The following ARHGAP15 variants were observed in gnomAD, a reference collection of about 807,000 sequenced individuals.
ARHGAP15 encodes the protein Rho GTPase activating protein 15.
In ARHGAP15, 51 loss-of-function variants were observed where a neutral mutation model predicts 63.7. The ratio of observed to expected loss-of-function variants is 0.80; its 90% confidence interval spans 0.64 to 1.01. ARHGAP15 has a LOEUF of 1.01. ARHGAP15 is among the 50% of genes least tolerant of loss of function. The pLI, the probability that ARHGAP15 is intolerant of heterozygous loss-of-function variation, is 0.00. For missense variants in ARHGAP15, 560 were observed against 564.6 expected, an observed-to-expected ratio of 0.99 and a Z score of 0.08; for synonymous variants, 191 against 193.8, an observed-to-expected ratio of 0.99 and a Z score of 0.12.
chr2:143,163,881 C>G (rs1458713374), intron 2 of ARHGAP15, among the ~76,000 whole-genome samples: 1 of 152,042 alleles, frequency 6.6e-6, no homozygotes, highest in African/African-American at 2.4e-5. Flanking sequence ...GGAACAGATG[C>G]ATTCCTTGAG....
chr2:143,295,105 A>G (rs554650593), intron 6 of ARHGAP15, among the ~76,000 whole-genome samples: 12 of 152,188 alleles, frequency 7.9e-5, no homozygotes, highest in Middle Eastern at 3.4e-3. Flanking sequence ...GCCATATGGT[A>G]AGCATCCAAT....
chr2:143,668,794 C>G (rs558870477), intron 12 of ARHGAP15, among the ~76,000 whole-genome samples: 1 of 152,268 alleles, frequency 6.6e-6, no homozygotes, highest in South Asian at 2.1e-4. Flanking sequence ...TAGACAATTC[C>G]AATGAAACTC....
intron 8 of ARHGAP15, among the ~76,000 whole-genome samples, chr2:143,483,309 T>C (rs1692160439): frequency 6.6e-6 from 1 of 152,184 alleles, no homozygotes; most frequent in African/African-American, 2.4e-5. Context: ...CTAGCATTTA[T>C]ACGTCATGTG....
intron 8 of ARHGAP15, among the ~76,000 whole-genome samples, chr2:143,466,495 T>A (rs998228643): frequency 2.0e-5 from 3 of 152,052 alleles, no homozygotes; most frequent in African/African-American, 2.4e-5. Flanking sequence ...GGAGTATTAG[T>A]GGAAAAGAGT....
At chr2:143,502,195 G>T (rs544638408) in intron 9 of ARHGAP15, among the ~76,000 whole-genome samples, 11 of 152,160 alleles carry the variant, frequency 7.2e-5, no homozygotes, top group African/African-American at 2.6e-4. Context: ...GATCATCTGA[G>T]GTCAGGAGTT....
At chr2:143,511,959 A>G (rs1258493949) in intron 9 of ARHGAP15, among the ~76,000 whole-genome samples, 2 of 152,186 alleles carry the variant, frequency 1.3e-5, no homozygotes, top group African/African-American at 4.8e-5. Flanking sequence ...TATTTAATTC[A>G]TTGTCTGTCA....
intron 11 of ARHGAP15, among the ~76,000 whole-genome samples, chr2:143,588,939 C>G (rs1697214743): frequency 1.3e-5 from 2 of 152,108 alleles, no homozygotes; most frequent in African/African-American, 4.8e-5. Flanking sequence ...AACCTACTTC[C>G]TGATTCAAGA....
chr2:143,246,589 A>AGTT (rs1159387093), intron 5 of ARHGAP15, among the ~76,000 whole-genome samples: 1 of 152,006 alleles, frequency 6.6e-6, no homozygotes, highest in Non-Finnish European at 1.5e-5. Context: ...AGTAGTCAAA[A>AGTT]GTTATTTCTC....
At chr2:143,435,259 C>T (rs56088912) in intron 6 of ARHGAP15, 81,460 of 998,346 alleles carry the variant, frequency 0.082, 3,918 homozygotes, top group African/African-American at 0.21. Context: ...CTGACACACC[C>T]GGGTGCATTT....
chr2:143,229,499 A>G (rs1320026741), intron 5 of ARHGAP15, among the ~76,000 whole-genome samples: 2 of 152,208 alleles, frequency 1.3e-5, no homozygotes, highest in African/African-American at 2.4e-5. Flanking sequence ...TTCAAGCTCA[A>G]AACCTTGCTG....
intron 12 of ARHGAP15, among the ~76,000 whole-genome samples, chr2:143,686,193 G>A (rs2105381774): frequency 6.6e-6 from 1 of 151,968 alleles, no homozygotes; most frequent in African/African-American, 2.4e-5. Context: ...CAGATCACGA[G>A]GTCAGGAGTT....
At chr2:143,542,167 C>T (rs1410493260) in intron 10 of ARHGAP15, among the ~76,000 whole-genome samples, 1 of 152,174 alleles carries the variant, frequency 6.6e-6, no homozygotes, top group Non-Finnish European at 1.5e-5. Context: ...GGCGTAGGAC[C>T]CTCCGAGCTA....
chr2:143,480,080 C>T (rs764449400), intron 8 of ARHGAP15, among the ~76,000 whole-genome samples: 12 of 151,992 alleles, frequency 7.9e-5, no homozygotes, highest in Non-Finnish European at 1.8e-4. Flanking sequence ...AACAAAACAC[C>T]CTGCCTTACA....
At chr2:143,135,140 G>A (rs997637890) in intron 1 of ARHGAP15, among the ~76,000 whole-genome samples, 5 of 152,302 alleles carry the variant, frequency 3.3e-5, no homozygotes, top group East Asian at 1.9e-4. Flanking sequence ...TTTAATGAGC[G>A]TGAATGCAGA....
intron 10 of ARHGAP15, among the ~76,000 whole-genome samples, chr2:143,531,744 A>C (rs1379657403): frequency 6.6e-6 from 1 of 152,202 alleles, no homozygotes; most frequent in Non-Finnish European, 1.5e-5. Context: ...TTTATTAAGC[A>C]CTCATAATGT....
chr2:143,159,879 A>G (rs1690223266), intron 2 of ARHGAP15, among the ~76,000 whole-genome samples: 1 of 151,844 alleles, frequency 6.6e-6, no homozygotes, highest in Non-Finnish European at 1.5e-5. Context: ...CTGAAAATGG[A>G]TTAGTTTCCT....
intron 13 of ARHGAP15, among the ~76,000 whole-genome samples, chr2:143,712,708 C>T (rs1031450513): frequency 6.6e-6 from 1 of 151,672 alleles, no homozygotes; most frequent in Non-Finnish European, 1.5e-5. Context: ...CTACTCATTA[C>T]ACAAGGAACA....
At chr2:143,159,344 T>C (rs1051686623) in intron 2 of ARHGAP15, among the ~76,000 whole-genome samples, 1 of 151,960 alleles carries the variant, frequency 6.6e-6, no homozygotes, top group African/African-American at 2.4e-5. Flanking sequence ...AAGGCAGACA[T>C]AAAAATTGCT....
intron 6 of ARHGAP15, among the ~76,000 whole-genome samples, chr2:143,404,178 T>C (rs941199590): frequency 3.3e-5 from 5 of 151,848 alleles, no homozygotes; most frequent in Non-Finnish European, 7.4e-5. Context: ...ATACTGATGA[T>C]TCTGAACCTT....
Sources: allele counts gnomAD v4.1 joint callset (sites outside exome capture counted in the v4.1 genomes callset), GRCh38; gene constraint gnomAD v4.1.1; transcripts MANE v1.5; gene names NCBI Gene and HGNC (gene_info 2026-07-23, HGNC 2026-07-21).